Variants in SLC19A1 observed in about 807,000 individuals in gnomAD.
SLC19A1 encodes solute carrier family 19 member 1.
A neutral mutation model predicts 35.3 loss-of-function variants in SLC19A1; 37 were observed. The ratio of observed to expected loss-of-function variants is 1.05; its 90% CI spans 0.81 to 1.38. The LOEUF (loss-of-function observed/expected upper bound fraction) is 1.38. SLC19A1 is among the 40% of genes most tolerant of loss of function. The probability of loss-of-function intolerance (pLI) is 0.00; values close to 1 mark genes in which losing one functional copy is unlikely to be tolerated. For missense variants in SLC19A1, 831 were observed against 826.9 expected, an observed-to-expected ratio of 1.00 and a Z score of -0.06; for synonymous variants, 460 against 398.5, an observed-to-expected ratio of 1.15 and a Z score of -1.84.
At chr21:45,503,463 A>G (rs1337879548) in intron 3 of SLC19A1, among the ~76,000 whole-genome samples, 2 of 151,972 alleles carry the variant, frequency 1.3e-5, no homozygotes, top group Non-Finnish European at 2.9e-5. Context: ...GCCATAAAAA[A>G]TGATGAGTTC....
chr21:45,561,999 C>T lies in SLC19A1; in HGVS notation c.-50+743G>A, dbSNP rs369544959. On this transcript the variant is annotated intron_variant, in intron 1 of 5. Transcript: ENST00000650808. ...TACAAAAATTAGCTGGGCATGGTGG[C>T]GGGCGCCTGTAATCCCAGCTATTCA... Among the ~76,000 whole-genome samples the T allele has an allele frequency of 2.8e-4, 42 of 151,454 alleles. No individual in the cohort carries two copies. In the East Asian group the frequency reaches 4.9e-3, roughly 18 times the overall value.
In SLC19A1 at chr21:45,540,073, C is replaced by G. The variant is rs1439572253; in HGVS notation, c.-49-2065G>C. ...CTCGGCCTCACCTTCCATGCCTCCT[C>G]AGGGCCTGTCAACAGCTGGGAAGAT... On this transcript the variant is annotated intron_variant, in intron 1 of 5. Coordinates refer to ENST00000311124, the MANE Select transcript of SLC19A1 (RefSeq NM_194255.4). This position sits in a 1 kb window ranked among gnomAD's most constrained non-coding sequence, Gnocchi z 5.5. 6.6e-6 allele frequency among the ~76,000 whole-genome samples: 1 copy of G among 152,170 alleles called. No homozygotes were observed. The highest frequency in any genetic ancestry group is 2.4e-5 in the African/African-American group (1 of 41,436).
At chr21:45,527,041 G>C (rs2077645099) in intron 4 of SLC19A1, among the ~76,000 whole-genome samples, 1 of 152,272 alleles carries the variant, frequency 6.6e-6, no homozygotes, top group South Asian at 2.1e-4. Context: ...GGCACAGACA[G>C]AAAAGTCTAG....
intron 1 of SLC19A1, among the ~76,000 whole-genome samples, chr21:45,561,372 G>A (rs1267284057): frequency 6.6e-6 from 1 of 152,198 alleles, no homozygotes; most frequent in Middle Eastern, 3.2e-3. Context: ...GTGCAGCCAG[G>A]ATTAAATATG....
chr21:45,560,752 A>G (rs2078608154), intron 1 of SLC19A1, among the ~76,000 whole-genome samples: 1 of 152,218 alleles, frequency 6.6e-6, no homozygotes, highest in Non-Finnish European at 1.5e-5. Flanking sequence ...AATGAGGAGG[A>G]CGAACCCAAT....
chr21:45,512,434 C>T (rs529896759), downstream of SLC19A1: 39 of 1,593,152 alleles, frequency 2.4e-5, no homozygotes, highest in Middle Eastern at 1.8e-4. Context: ...AGAGGACCGG[C>T]GGCTCGGAGG....
chr21:45,553,638 CCTCCTAGTCCCCCCGCGCCCCCT>C (rs2146495775), intron 1 of SLC19A1, among the ~76,000 whole-genome samples: 2 of 74,904 alleles, frequency 2.7e-5, no homozygotes, highest in African/African-American at 5.8e-5. Context: ...CCCGCGCCCC[CCTCCTAGTCCCCCCGCGCCCCCT>C]TCCCAGTCCC....
downstream of SLC19A1, chr21:45,509,597 CGGT>C: frequency 1.4e-6 from 2 of 1,474,778 alleles, no homozygotes; most frequent in South Asian, 2.4e-5. Context: ...GACTTCCAGC[CGGT>C]GGTGAGTGCC....
At chr21:45,502,868 TA>T (rs1225666661) in intron 3 of SLC19A1, 1 of 152,198 alleles carries the variant, frequency 6.6e-6, no homozygotes, top group Non-Finnish European at 1.5e-5. Flanking sequence ...GTCTCCCACG[TA>T]AGCCCCACAA....
intron 5 of SLC19A1, among the ~76,000 whole-genome samples, chr21:45,521,528 T>C (rs80301613): frequency 0.02 from 3,089 of 152,308 alleles, 48 homozygotes; most frequent in Non-Finnish European, 0.03. Flanking sequence ...CTCTAAAATG[T>C]ATACGGAAAG....
downstream of SLC19A1, chr21:45,512,165 T>C: frequency 8.7e-6 from 14 of 1,602,728 alleles, no homozygotes; most frequent in Non-Finnish European, 1.2e-5. Context: ...TGGGTTTGAC[T>C]GACGGCCCGG....
chr21:45,555,226 GGGGGCGGCGC>G (rs2078539160), intron 1 of SLC19A1, among the ~76,000 whole-genome samples: 1 of 17,040 alleles, frequency 5.9e-5, no homozygotes, highest in Non-Finnish European at 1.2e-4. Context: ...GGGGGCGCCG[GGGGGCGGCGC>G]AGGGGGCGGC....
chr21:45,532,128 C>A lies in SLC19A1; in HGVS notation c.210G>T (p.Pro70=), dbSNP rs746552854. The A allele has an allele frequency of 1.9e-6, 3 of 1,602,804 alleles. No individual in the cohort carries two copies. In the African/African-American group the frequency reaches 4.0e-5, roughly 21 times the overall value. Residue 70 remains proline, a synonymous_variant, in exon 3 of 6, where the codon CCG becomes CCT. Transcript: ENST00000311124. ...TREQVTNEIT[P]VLSYSYLAVL... ...CGGCCAGGTAGGAGTACGACAGCAC[C>A]GGCGTGATCTCGTTCGTGACCTGCG...
chr21:45,561,778 A>T (rs1255293811), intron 1 of SLC19A1, among the ~76,000 whole-genome samples: 1 of 151,750 alleles, frequency 6.6e-6, no homozygotes, highest in Non-Finnish European at 1.5e-5. Context: ...AAATAAATAA[A>T]TAATAAATAA....
In SLC19A1 at chr21:45,531,681, C is replaced by G; in HGVS notation, c.657G>C (p.Arg219=). ...SLFFNRDDRG[R]CETSASELER... Reference sequence around the variant, plus strand: ...CCAGCTCCGAAGCCGAGGTTTCGCACCGCCCCCGGTCGTCGCGGTTGAAGA... The same window carrying G: ...CCAGCTCCGAAGCCGAGGTTTCGCAGCGCCCCCGGTCGTCGCGGTTGAAGA... Residue 219 remains arginine, a synonymous_variant, in exon 3 of 6, where the codon CGG becomes CGC. Transcript: ENST00000311124. 1 of 1,612,510 alleles carries G rather than the reference C, an allele frequency of 6.2e-7. No homozygotes were observed. The highest frequency in any genetic ancestry group is 8.5e-7 in the Non-Finnish European group (1 of 1,179,768).
chr21:45,531,737 G>A lies in SLC19A1; in HGVS notation c.601C>T (p.Leu201Phe). The A allele has an allele frequency of 6.8e-6, 11 of 1,612,728 alleles. No individual in the cohort carries two copies. The highest frequency in any genetic ancestry group is 9.3e-6 in the Non-Finnish European group (11 of 1,179,620). The change falls in exon 3 of 6, where the codon CTC becomes TTC. Residue 201 changes from leucine to phenylalanine, a missense_variant. Coordinates refer to ENST00000311124, the MANE Select transcript of SLC19A1 (RefSeq NM_194255.4). Reference protein sequence around the residue: ...AFLTFSVVLALFLKRPKRSLF... With the variant: ...AFLTFSVVLAFFLKRPKRSLF... ...CTGCGCTTGGGGCGCTTCAGGAAGAGGGCGAGGACCACGCTGAAGGTGAGG... is the reference window on the plus strand; with the variant it reads ...CTGCGCTTGGGGCGCTTCAGGAAGAAGGCGAGGACCACGCTGAAGGTGAGG...
intron 2 of SLC19A1, among the ~76,000 whole-genome samples, chr21:45,537,111 C>T (rs924250310): frequency 6.6e-6 from 1 of 152,196 alleles, no homozygotes; most frequent in Non-Finnish European, 1.5e-5. Context: ...AGGCAGGTGC[C>T]CAGCAGGGTT....
At chr21:45,519,303 T>C (rs550236982) in intron 5 of SLC19A1, among the ~76,000 whole-genome samples, 24 of 151,524 alleles carry the variant, frequency 1.6e-4, no homozygotes, top group African/African-American at 5.3e-4. Context: ...AAATGAAAAA[T>C]TAAAAACGAA....
chr21:45,517,944 G>A lies in SLC19A1; in HGVS notation c.1294-1804C>T, dbSNP rs1229591805. Among the ~76,000 whole-genome samples the A allele has an allele frequency of 6.6e-6, 1 of 152,154 alleles. No homozygotes were observed. The highest frequency in any genetic ancestry group is 1.5e-5 in the Non-Finnish European group (1 of 68,038). ...GTTGCGTCAGCCACAACAGGATGCT[G>A]AAATTACATCATACCCAAAATGCTT... On this transcript the variant is annotated intron_variant, in intron 5 of 5. Coordinates refer to ENST00000311124, the MANE Select transcript of SLC19A1 (RefSeq NM_194255.4). This position sits in a 1 kb window ranked among gnomAD's most constrained non-coding sequence, Gnocchi z 4.4.
Sources: gnomAD v4.1 joint callset for allele counts (sites outside exome capture counted in the v4.1 genomes callset) on GRCh38, gnomAD v4.1.1 for gene constraint, Gnocchi (gnomAD v3.1) non-coding constraint, MANE v1.5 for transcripts, NCBI Gene and HGNC (gene_info 2026-07-23, HGNC 2026-07-21) for gene names.